SFMBT2: variants seen among roughly 807,000 people sequenced by gnomAD.
SFMBT2 encodes the protein scm-like with four MBT domains protein 2.
Under a neutral mutation model 110.1 loss-of-function variants are expected in SFMBT2, and 38 were observed. That is an observed-to-expected ratio of 0.35 (90% CI 0.27 to 0.45). SFMBT2 has a LOEUF of 0.45. Ranked by LOEUF, SFMBT2 falls within the 20% of genes least tolerant of loss-of-function variation. SFMBT2 has a pLI of 1.00. For synonymous variants in SFMBT2, 425 were observed against 425.4 expected, an observed-to-expected ratio of 1.00 and a Z score of 0.01; for missense variants, 1,011 against 1,094.9, an observed-to-expected ratio of 0.92 and a Z score of 1.08.
rs1025630520 is a variant in SFMBT2, at chr10:7,171,712, C to T, written c.2415+183G>A. Among the ~76,000 whole-genome samples the T allele has an allele frequency of 2.9e-4, 44 of 152,352 alleles. No homozygotes were observed. The highest frequency in any genetic ancestry group is 9.4e-4 in the African/African-American group (39 of 41,586). ...CACCCTGGGCACTCCATTCTGATGC[C>T]GAAAGGCCCCTCCACCCAGAGGTGA... On this transcript the variant is annotated intron_variant, in intron 19 of 20. Coordinates refer to ENST00000397167, the MANE Select transcript of SFMBT2 (RefSeq NM_001387889.1). The surrounding 1 kb of genome is among the most constrained non-coding windows in gnomAD (Gnocchi z 4.9).
At chr10:7,387,321 G>A (rs568953230) in intron 1 of SFMBT2, among the ~76,000 whole-genome samples, 3 of 152,354 alleles carry the variant, frequency 2.0e-5, no homozygotes, top group South Asian at 4.1e-4. Flanking sequence ...ATACCATGCA[G>A]TTTTCTTGTG....
chr10:7,239,486 A>G (rs1840367564), intron 9 of SFMBT2, among the ~76,000 whole-genome samples: 8 of 152,192 alleles, frequency 5.3e-5, no homozygotes, highest in Admixed American at 5.2e-4. Flanking sequence ...ATGTGAAACC[A>G]ACCACCTCAA....
chr10:7,210,886 A>C (rs1839325521), intron 11 of SFMBT2, among the ~76,000 whole-genome samples: 1 of 151,392 alleles, frequency 6.6e-6, no homozygotes, highest in African/African-American at 2.4e-5. Flanking sequence ...AACAGGCTGA[A>C]GGAAATGACA....
intron 1 of SFMBT2, among the ~76,000 whole-genome samples, 83 bp downstream of exon 1, chr10:7,410,778 A>C (rs1588520498): frequency 7.1e-6 from 1 of 140,692 alleles, no homozygotes. Flanking sequence ...AAAGCCCCTG[A>C]CCAGCGCACT....
rs893695538 is a variant in SFMBT2, at chr10:7,408,520, G to A, written c.-52+2341C>T. Reference sequence around the variant, plus strand: ...GCTTCCAGGCACCTGGCCGCTGCCAGATCAGGTTCGCGGGCCCGGAGGAGG... The same window carrying A: ...GCTTCCAGGCACCTGGCCGCTGCCAAATCAGGTTCGCGGGCCCGGAGGAGG... On this transcript the variant is annotated intron_variant, in intron 1 of 20. Coordinates refer to ENST00000397167, the MANE Select transcript of SFMBT2 (RefSeq NM_001387889.1). The surrounding 1 kb of genome is among the most constrained non-coding windows in gnomAD (Gnocchi z 5.7). 1.3e-5 allele frequency among the ~76,000 whole-genome samples: 2 copies of A among 152,346 alleles called. No homozygotes were observed. The highest frequency in any genetic ancestry group is 3.4e-3 in the Middle Eastern group (1 of 292).
At position 7,236,341 on chromosome 10, in the gene SFMBT2, C is replaced by T. The variant is rs189411032; in HGVS notation, c.1120+7217G>A. On this transcript the variant is annotated intron_variant, in intron 9 of 20. Transcript: ENST00000397167. ...ACAAGAATGGCCTGCCAAAAATAACCAAAAATTTTGAACAAAAATAAAGAA... is the reference window on the plus strand; with the variant it reads ...ACAAGAATGGCCTGCCAAAAATAACTAAAAATTTTGAACAAAAATAAAGAA... Among the ~76,000 whole-genome samples, 1,078 of 151,944 alleles carry T rather than the reference C, an allele frequency of 7.1e-3. 15 individuals are homozygous for T. The highest frequency in any genetic ancestry group is 0.025 in the African/African-American group (1,021 of 41,454).
chr10:7,209,601 G>A (rs1304085754), intron 11 of SFMBT2, among the ~76,000 whole-genome samples: 3 of 152,294 alleles, frequency 2.0e-5, no homozygotes, highest in African/African-American at 4.8e-5. Context: ...ATGCACTGCC[G>A]AGTATAAAAG....
intron 16 of SFMBT2, among the ~76,000 whole-genome samples, chr10:7,183,228 G>C (rs1041637648): frequency 2.6e-5 from 4 of 152,324 alleles, no homozygotes; most frequent in Non-Finnish European, 5.9e-5. Flanking sequence ...CCAGGAAGGA[G>C]AGCTTTCATC....
chr10:7,179,600 C>T (rs543317617), intron 16 of SFMBT2, among the ~76,000 whole-genome samples: 161 of 152,150 alleles, frequency 1.1e-3, no homozygotes, highest in Non-Finnish European at 2.0e-3. Flanking sequence ...TTCTTAGAGT[C>T]CCTAGAAAAA....
At chr10:7,275,269 A>G (rs1400774022) in intron 7 of SFMBT2, among the ~76,000 whole-genome samples, 1 of 152,212 alleles carries the variant, frequency 6.6e-6, no homozygotes, top group Non-Finnish European at 1.5e-5. Flanking sequence ...GTACGTCAAA[A>G]TAAAATTTAT....
At chr10:7,279,347 C>T (rs1841877730) in intron 6 of SFMBT2, among the ~76,000 whole-genome samples, 1 of 152,196 alleles carries the variant, frequency 6.6e-6, no homozygotes, top group South Asian at 2.1e-4. Context: ...TGGGTCCTGC[C>T]TCTGTCCTAC....
At chr10:7,294,341 G>A (rs562363438) in intron 4 of SFMBT2, among the ~76,000 whole-genome samples, 1 of 152,268 alleles carries the variant, frequency 6.6e-6, no homozygotes, top group Admixed American at 6.5e-5. Flanking sequence ...TCCTAAACCT[G>A]TAATATATGA....
chr10:7,288,718 A>G (rs551115226), intron 4 of SFMBT2, among the ~76,000 whole-genome samples: 40 of 152,240 alleles, frequency 2.6e-4, no homozygotes, highest in African/African-American at 9.4e-4. Context: ...TTAACTCTTG[A>G]CCAAGTTCAC....
intron 7 of SFMBT2, among the ~76,000 whole-genome samples, chr10:7,272,080 T>C (rs997966859): frequency 3.9e-5 from 6 of 152,102 alleles, no homozygotes; most frequent in Admixed American, 6.5e-5. Flanking sequence ...AAGGAGACAC[T>C]GCACAGGGGA....
chr10:7,173,536 A>G (rs1837955170), intron 17 of SFMBT2, among the ~76,000 whole-genome samples: 1 of 152,114 alleles, frequency 6.6e-6, no homozygotes. Flanking sequence ...ATTTGCTGGG[A>G]CTCACATTGC....
chr10:7,350,361 A>G (rs369305250), intron 4 of SFMBT2, among the ~76,000 whole-genome samples: 1 of 152,062 alleles, frequency 6.6e-6, no homozygotes, highest in Non-Finnish European at 1.5e-5. Flanking sequence ...CATCTTAGAA[A>G]ATTAGAAAAT....
intron 8 of SFMBT2, among the ~76,000 whole-genome samples, chr10:7,247,675 A>C (rs2131730377): frequency 6.6e-6 from 1 of 152,350 alleles, no homozygotes; most frequent in Middle Eastern, 3.4e-3. Flanking sequence ...AAAAGAAATT[A>C]AAACAGATTT....
At chr10:7,203,779 G>C (rs1839035188) in intron 12 of SFMBT2, 3 of 456,758 alleles carry the variant, frequency 6.6e-6, no homozygotes. Context: ...GCAGTGGCAT[G>C]ATCTCAGTTC....
intron 4 of SFMBT2, among the ~76,000 whole-genome samples, chr10:7,299,823 C>A (rs1842507645): frequency 6.6e-6 from 1 of 152,050 alleles, no homozygotes; most frequent in South Asian, 2.1e-4. Context: ...GAATATAAAT[C>A]ATTCTACTTT....
Sources: allele counts gnomAD v4.1 joint callset (sites outside exome capture counted in the v4.1 genomes callset), GRCh38; gene constraint gnomAD v4.1.1; non-coding constraint Gnocchi (gnomAD v3.1); transcripts MANE v1.5; gene names NCBI Gene and HGNC (gene_info 2026-07-23, HGNC 2026-07-21).